GALNT7: variants seen among roughly 807,000 people sequenced by gnomAD.
GALNT7 encodes the protein N-acetylgalactosaminyltransferase 7.
Under a neutral mutation model 82.1 loss-of-function variants are expected in GALNT7, and 60 were observed. The observed-to-expected ratio is 0.73, with a 90% CI of 0.59 to 0.91. The LOEUF is 0.91. GALNT7 is among the 40% of genes least tolerant of loss of function. The probability of loss-of-function intolerance (pLI) is 0.00; values close to 1 mark genes in which losing one functional copy is unlikely to be tolerated. For synonymous variants in GALNT7, 243 were observed against 275.1 expected (o/e 0.88, Z 1.15); for missense variants, 660 against 804.2 (o/e 0.82, Z 2.17).
intron 1 of GALNT7, among the ~76,000 whole-genome samples, chr4:173,216,698 G>A (rs1291353460): frequency 1.2e-5 from 1 of 86,476 alleles, no homozygotes; most frequent in Non-Finnish European, 2.1e-5. Flanking sequence ...GGTTTCTTGT[G>A]TACTATTCAT....
chr4:173,174,164 A>C (rs1266623158), intron 1 of GALNT7, among the ~76,000 whole-genome samples: 1 of 151,538 alleles, frequency 6.6e-6, no homozygotes, highest in African/African-American at 2.4e-5. Context: ...TTCTCCCCCC[A>C]CACATAATAA....
At chr4:173,199,985 C>A (rs1732895435) in intron 1 of GALNT7, among the ~76,000 whole-genome samples, 1 of 152,168 alleles carries the variant, frequency 6.6e-6, no homozygotes, top group Non-Finnish European at 1.5e-5. Context: ...TTATTGATCT[C>A]TAATTCTTAG....
At chr4:173,193,493 T>A (rs888310735) in intron 1 of GALNT7, among the ~76,000 whole-genome samples, 45 of 152,314 alleles carry the variant, frequency 3.0e-4, no homozygotes, top group African/African-American at 1.0e-3. Context: ...CAACTTTATT[T>A]TTTTTAAAGG....
chr4:173,190,630 CT>C (rs1230355798), intron 1 of GALNT7, among the ~76,000 whole-genome samples: 1 of 151,480 alleles, frequency 6.6e-6, no homozygotes, highest in African/African-American at 2.4e-5. Flanking sequence ...TCTTTTCAGA[CT>C]TGTCTCCCAA....
chr4:173,190,434 T>C (rs1393624425), intron 1 of GALNT7, among the ~76,000 whole-genome samples: 1 of 152,230 alleles, frequency 6.6e-6, no homozygotes, highest in African/African-American at 2.4e-5. Flanking sequence ...TAATACCGTA[T>C]AATTTTTTAA....
At chr4:173,189,043 C>T (rs1037365539) in intron 1 of GALNT7, among the ~76,000 whole-genome samples, 2 of 152,150 alleles carry the variant, frequency 1.3e-5, no homozygotes, top group Non-Finnish European at 2.9e-5. Flanking sequence ...GGTCTTGAAC[C>T]CCGGTTGAGA....
intron 1 of GALNT7, among the ~76,000 whole-genome samples, chr4:173,202,103 G>T (rs938493609): frequency 6.6e-6 from 1 of 152,052 alleles, no homozygotes; most frequent in Non-Finnish European, 1.5e-5. Flanking sequence ...TTGCTATTTT[G>T]TAGCAATATT....
chr4:173,295,935 A>G, intron 5 of GALNT7, 92 bp downstream of exon 5: 1 of 783,918 alleles, frequency 1.3e-6, no homozygotes, highest in Admixed American at 1.8e-5. Flanking sequence ...TTCCAGCTCC[A>G]TTCAGTGCAT....
At chr4:173,305,112 T>C (rs1423444812) in intron 8 of GALNT7, among the ~76,000 whole-genome samples, 1 of 152,184 alleles carries the variant, frequency 6.6e-6, no homozygotes, top group East Asian at 1.9e-4. Flanking sequence ...TTTCCCATAA[T>C]GGCTGCACCA....
chr4:173,211,731 C>T (rs191758391), intron 1 of GALNT7, among the ~76,000 whole-genome samples: 32 of 152,208 alleles, frequency 2.1e-4, no homozygotes, highest in Admixed American at 6.5e-4. Flanking sequence ...TGGGCATGAC[C>T]GTGTAGATTT....
At chr4:173,223,837 G>A (rs943940934) in intron 1 of GALNT7, among the ~76,000 whole-genome samples, 2 of 152,060 alleles carry the variant, frequency 1.3e-5, no homozygotes, top group African/African-American at 4.8e-5. Flanking sequence ...AGACCTATCT[G>A]TATAAGTCTT....
intron 9 of GALNT7, among the ~76,000 whole-genome samples, chr4:173,314,934 C>G (rs998901072): frequency 4.6e-5 from 7 of 152,126 alleles, no homozygotes; most frequent in Non-Finnish European, 1.5e-5. Context: ...CTCTTCTAGA[C>G]AGAAAACCAG....
chr4:173,182,200 G>C (rs188041750), intron 1 of GALNT7, among the ~76,000 whole-genome samples: 1 of 152,112 alleles, frequency 6.6e-6, no homozygotes, highest in Non-Finnish European at 1.5e-5. Context: ...AACATGTCTT[G>C]TGTAATGATT....
chr4:173,277,452 A>G (rs901806459), intron 2 of GALNT7, among the ~76,000 whole-genome samples: 3 of 152,212 alleles, frequency 2.0e-5, no homozygotes, highest in African/African-American at 4.8e-5. Context: ...AGTAGAAACC[A>G]ACAAGAGTTC....
intron 1 of GALNT7, among the ~76,000 whole-genome samples, chr4:173,244,693 A>G (rs1225702965): frequency 2.6e-5 from 4 of 152,272 alleles, no homozygotes; most frequent in Admixed American, 6.5e-5. Context: ...TCCTATTGTA[A>G]TCTTGTTCAG....
At chr4:173,238,183 T>C (rs924173749) in intron 1 of GALNT7, among the ~76,000 whole-genome samples, 2 of 152,238 alleles carry the variant, frequency 1.3e-5, no homozygotes. Flanking sequence ...TTACAATCTT[T>C]CTTTCATTAC....
At chr4:173,299,876 C>T (rs1217408632) in intron 6 of GALNT7, among the ~76,000 whole-genome samples, 1 of 150,742 alleles carries the variant, frequency 6.6e-6, no homozygotes, top group Non-Finnish European at 1.5e-5. Context: ...ACAGCTATAA[C>T]GGAATAATCT....
chr4:173,265,101 G>A lies in GALNT7; in HGVS notation c.587+16661G>A, dbSNP rs181158926. On this transcript the variant is annotated intron_variant, in intron 2 of 11. Transcript: ENST00000265000. ...CATCCTGGCAAGGAGAGCATCAGAC[G>A]CAGCCAGGATACCAGGCTTGCCCTT... 4.6e-4 allele frequency among the ~76,000 whole-genome samples: 70 copies of A among 152,346 alleles called. No individual in the cohort carries two copies. The East Asian group carries it at 0.012, about 26-fold the overall frequency.
intron 1 of GALNT7, among the ~76,000 whole-genome samples, chr4:173,207,894 A>G (rs1325345138): frequency 1.3e-5 from 2 of 152,238 alleles, no homozygotes; most frequent in South Asian, 2.1e-4. Context: ...TGTCAACTTC[A>G]TAGGTGAAAA....
Sources: allele counts gnomAD v4.1 joint callset (sites outside exome capture counted in the v4.1 genomes callset), GRCh38; gene constraint gnomAD v4.1.1; transcripts MANE v1.5; gene names NCBI Gene and HGNC (gene_info 2026-07-23, HGNC 2026-07-21).